BPTF: variants seen among roughly 807,000 people sequenced by gnomAD.
The protein encoded by BPTF is nucleosome-remodeling factor subunit BPTF.
A neutral mutation model predicts 292.5 loss-of-function variants in BPTF; 18 were observed. The ratio of observed to expected loss-of-function variants is 0.06; its 90% CI spans 0.04 to 0.09. The LOEUF (loss-of-function observed/expected upper bound fraction) is 0.09, where lower values mean the gene tolerates loss of function less well. BPTF is among the 10% of genes least tolerant of loss of function. The pLI, the probability that BPTF is intolerant of heterozygous loss-of-function variation, is 1.00. For synonymous variants in BPTF, 1,225 were observed against 1,251.9 expected (o/e 0.98, Z 0.45); for missense variants, 2,726 against 3,498.7 (o/e 0.78, Z 5.57).
At position 67,912,622 on chromosome 17, in the gene BPTF, A is replaced by G. The variant is rs754320726; in HGVS notation, c.4738A>G (p.Lys1580Glu). ...NKNENVNGES[K>E]RKTVITEVTT... is the part of the protein sequence containing the mutation. ...AAATGAAAATGTCAATGGAGAATCTAAAAGAAAAACCGTCATCACAGAAGT... is the reference window on the plus strand; with the variant it reads ...AAATGAAAATGTCAATGGAGAATCTGAAAGAAAAACCGTCATCACAGAAGT... Residue 1580 changes from lysine to glutamate, a missense_variant, in exon 11 of 28, where the codon AAA becomes GAA. This residue lies in a region of BPTF where 144 missense variants were observed against 177.2 expected (regional missense o/e 0.81). Coordinates refer to ENST00000306378, the MANE Select transcript of BPTF (RefSeq NM_182641.4). 1 of 1,613,218 alleles carries G rather than the reference A, an allele frequency of 6.2e-7. No individual in the cohort carries two copies. The highest frequency in any genetic ancestry group is 2.2e-5 in the East Asian group (1 of 44,892).
intron 18 of BPTF, among the ~76,000 whole-genome samples, chr17:67,938,221 A>C (rs574688152): frequency 2.2e-4 from 33 of 152,330 alleles, no homozygotes; most frequent in African/African-American, 7.9e-4. Context: ...AATCAGTACC[A>C]ATCCTTTTAT....
chr17:67,883,090 C>T (rs562438305), intron 4 of BPTF, among the ~76,000 whole-genome samples: 51 of 151,264 alleles, frequency 3.4e-4, no homozygotes, highest in Non-Finnish European at 6.8e-4. Flanking sequence ...CCCAGGTGGG[C>T]GGATCACAGA....
At chr17:67,846,600 T>G (rs978023568) in intron 1 of BPTF, among the ~76,000 whole-genome samples, 1 of 152,260 alleles carries the variant, frequency 6.6e-6, no homozygotes, top group African/African-American at 2.4e-5. Context: ...TAGGCACTTG[T>G]TATTTCTCAA....
At chr17:67,940,681 A>C in intron 19 of BPTF, 25 bp downstream of exon 19, 1 of 1,588,028 alleles carries the variant, frequency 6.3e-7, no homozygotes, top group South Asian at 1.1e-5. Flanking sequence ...CTTTATTTTA[A>C]CTTTAGAGGT....
intron 2 of BPTF, among the ~76,000 whole-genome samples, chr17:67,860,732 A>AT (rs916255421): frequency 1.3e-5 from 2 of 152,122 alleles, no homozygotes; most frequent in Admixed American, 6.5e-5. Context: ...ATTATATTTC[A>AT]TTTTTTTGCA....
rs142420752 is a variant in BPTF at position 67,978,592 on chromosome 17, C to T, written c.8726+2634C>T. 3.6e-4 allele frequency among the ~76,000 whole-genome samples: 55 copies of T among 152,014 alleles called. No homozygotes were observed. The East Asian group carries it at 8.9e-3, about 25-fold the overall frequency. On this transcript the variant is annotated intron_variant, in intron 27 of 27. Transcript: ENST00000306378. ...GATTACAGATGTGAGCCACCGTGCC[C>T]GGCCAGAAATTTTTGTTTATTTGAG... is the stretch of plus-strand genomic sequence containing the variant.
In BPTF at chr17:67,944,299, C is replaced by T; in HGVS notation, c.6627C>T (p.Phe2209=). The part of the protein sequence containing the change: ...AAMPNGTVQR[F]LFTPLATTAT... Reference sequence around the variant, plus strand: ...TGCCAAATGGTACTGTTCAGCGATTCCTCTTTACCCCATTGGCAACAACAG... The same window carrying T: ...TGCCAAATGGTACTGTTCAGCGATTTCTCTTTACCCCATTGGCAACAACAG... The change falls in exon 20 of 28, where the codon TTC becomes TTT. Residue 2209 remains phenylalanine, a synonymous_variant. Coordinates refer to ENST00000306378, the MANE Select transcript of BPTF (RefSeq NM_182641.4). 6.2e-7 allele frequency: 1 copy of T among 1,614,152 alleles called. No homozygotes were observed. The highest frequency in any genetic ancestry group is 8.5e-7 in the Non-Finnish European group (1 of 1,180,028).
chr17:67,950,340 C>G (rs1555678014), intron 23 of BPTF, among the ~76,000 whole-genome samples: 1 of 150,620 alleles, frequency 6.6e-6, no homozygotes, highest in Non-Finnish European at 1.5e-5. Context: ...ATCTGTGAAA[C>G]ATTAGAGATC....
chr17:67,966,982 C>G (rs1205214301), intron 26 of BPTF, among the ~76,000 whole-genome samples: 3 of 151,270 alleles, frequency 2.0e-5, no homozygotes, highest in African/African-American at 7.3e-5. Context: ...TGCCTGTATT[C>G]CCAGCTACTC....
intron 10 of BPTF, 136 bp from the exon 11 acceptor site, chr17:67,910,741 A>G (rs1192809448): frequency 4.0e-6 from 2 of 500,000 alleles, no homozygotes; most frequent in Non-Finnish European, 3.0e-6. Context: ...CGGAGGTTGC[A>G]GTGAACTGAG....
intron 26 of BPTF, among the ~76,000 whole-genome samples, chr17:67,967,816 C>CA (rs58143986): frequency 0.017 from 1,696 of 96,940 alleles, 78 homozygotes; most frequent in African/African-American, 0.056. Flanking sequence ...GAGACTCTGT[C>CA]AAAAAAAAAA....
At chr17:67,905,814 G>A (rs762519914) in intron 9 of BPTF, among the ~76,000 whole-genome samples, 3 of 151,936 alleles carry the variant, frequency 2.0e-5, no homozygotes, top group Non-Finnish European at 2.9e-5. Flanking sequence ...AGTGATAGAG[G>A]CTTCCAAAAC....
chr17:67,914,697 T>C (rs186589867), intron 11 of BPTF, among the ~76,000 whole-genome samples: 7 of 152,292 alleles, frequency 4.6e-5, no homozygotes, highest in Admixed American at 4.6e-4. Flanking sequence ...GAAGCACTCT[T>C]CTCTGAACTC....
At position 67,894,057 on chromosome 17, in the gene BPTF, A is replaced by G; in HGVS notation, c.2435A>G (p.Gln812Arg). 3 of 1,614,028 alleles carry G rather than the reference A, an allele frequency of 1.9e-6. No homozygotes were observed. The South Asian group carries it at 3.3e-5, about 18-fold the overall frequency. Residue 812 changes from glutamine to arginine, a missense_variant, in exon 7 of 28, where the codon CAG (glutamine) becomes CGG (arginine). Transcript: ENST00000306378. Reference protein sequence around the residue: ...SHRANWIKAVQMCSKPREFAL... With the variant: ...SHRANWIKAVRMCSKPREFAL... ...AGGGCAAATTGGATCAAGGCAGTTC[A>G]GATGTGTAGCAAACCCAGAGAATTT...
intron 18 of BPTF, among the ~76,000 whole-genome samples, chr17:67,932,649 C>T (rs1378535858): frequency 6.6e-6 from 1 of 152,036 alleles, no homozygotes; most frequent in Non-Finnish European, 1.5e-5. Flanking sequence ...TGCAGTGAGC[C>T]AAGATCATGC....
chr17:67,954,704 T>C (rs2066753400), intron 23 of BPTF, among the ~76,000 whole-genome samples: 1 of 152,246 alleles, frequency 6.6e-6, no homozygotes. Flanking sequence ...TATTTTCATT[T>C]GTATGTTTTT....
Position 67,983,875 on chromosome 17 carries a change from C to T in BPTF, c.*1587C>T, listed in dbSNP as rs1241279845. 1.3e-5 allele frequency: 2 copies of T among 152,570 alleles called. No homozygotes were observed. The highest frequency in any genetic ancestry group is 1.5e-5 in the Non-Finnish European group (1 of 68,020). The allele number at this position is 152,570 out of a possible 1,614,324, so 9.5% of individuals were successfully genotyped here. A position where few individuals can be genotyped will look rare whatever the true frequency, so the allele number is the denominator to read the frequency against. Reference sequence around the variant, plus strand: ...AAAAGAAAGATGTTGCTACAGTTCCCGATTCTTTCTTATTACAGGCTCAGG... The same window carrying T: ...AAAAGAAAGATGTTGCTACAGTTCCTGATTCTTTCTTATTACAGGCTCAGG... On this transcript the variant is annotated 3_prime_UTR_variant, in exon 28 of 28. Coordinates refer to ENST00000306378, the MANE Select transcript of BPTF (RefSeq NM_182641.4).
chr17:67,967,679 T>C (rs1555688304), intron 26 of BPTF, among the ~76,000 whole-genome samples: 1 of 151,810 alleles, frequency 6.6e-6, no homozygotes, highest in Non-Finnish European at 1.5e-5. Context: ...ATTAGCCAGT[T>C]GTGGTGGCAG....
At chr17:67,927,968 C>G (rs2064057460) in intron 15 of BPTF, among the ~76,000 whole-genome samples, 1 of 152,038 alleles carries the variant, frequency 6.6e-6, no homozygotes, top group Non-Finnish European at 1.5e-5. Context: ...ACTGCAACCT[C>G]TGCCGCCTGG....
Sources: gnomAD v4.1 joint callset for allele counts (sites outside exome capture counted in the v4.1 genomes callset) on GRCh38, gnomAD v4.1.1 for gene constraint, gnomAD v4.1.1 regional missense constraint, MANE v1.5 for transcripts, NCBI Gene and HGNC (gene_info 2026-07-23, HGNC 2026-07-21) for gene names.